Variants in TBL1XR1 observed in about 807,000 individuals in gnomAD.
TBL1XR1 encodes the protein TBL1X/Y related 1, also known as F-box-like/WD repeat-containing protein TBL1XR1.
In TBL1XR1, 5 loss-of-function variants were observed where a neutral mutation model predicts 66.9. The observed-to-expected ratio is 0.07, with a 90% CI of 0.04 to 0.16. The LOEUF (loss-of-function observed/expected upper bound fraction) is 0.16. TBL1XR1 is among the 10% of genes least tolerant of loss of function. TBL1XR1 has a pLI of 1.00. For missense variants in TBL1XR1, 238 were observed against 623.2 expected (o/e 0.38, Z 6.58); for synonymous variants, 210 against 206.0 (o/e 1.02, Z -0.17).
At chr3:177,101,194 T>A (rs1425626141) in intron 1 of TBL1XR1, among the ~76,000 whole-genome samples, 1 of 152,174 alleles carries the variant, frequency 6.6e-6, no homozygotes, top group East Asian at 1.9e-4. Flanking sequence ...ATTTGTTAAA[T>A]GATTAGATCA....
chr3:177,071,320 T>C (rs1719981554), intron 2 of TBL1XR1, among the ~76,000 whole-genome samples: 1 of 152,034 alleles, frequency 6.6e-6, no homozygotes, highest in African/African-American at 2.4e-5. Flanking sequence ...AAAACTCAAA[T>C]ATTATAGGAA....
chr3:177,082,698 A>C (rs1036317256), intron 2 of TBL1XR1, among the ~76,000 whole-genome samples: 1 of 140,926 alleles, frequency 7.1e-6, no homozygotes, highest in African/African-American at 2.6e-5. Context: ...TTAATCCAAC[A>C]ACTCCCTAAC....
intron 2 of TBL1XR1, among the ~76,000 whole-genome samples, chr3:177,095,821 T>C (rs1167321548): frequency 2.0e-5 from 3 of 152,130 alleles, no homozygotes; most frequent in Admixed American, 2.0e-4. Flanking sequence ...TGTGTCTAGG[T>C]AAAAGAAGAG....
At chr3:177,083,342 A>G (rs1316465705) in intron 2 of TBL1XR1, among the ~76,000 whole-genome samples, 1 of 152,210 alleles carries the variant, frequency 6.6e-6, no homozygotes, top group African/African-American at 2.4e-5. Context: ...AGTCTTTGCT[A>G]CATCATTTTG....
intron 2 of TBL1XR1, among the ~76,000 whole-genome samples, chr3:177,078,030 T>G (rs527249073): frequency 6.6e-6 from 1 of 152,350 alleles, no homozygotes; most frequent in East Asian, 1.9e-4. Flanking sequence ...CAGGTGGGAA[T>G]GCATGGAAAA....
At chr3:177,135,386 TGTA>T (rs1237339084) in intron 1 of TBL1XR1, among the ~76,000 whole-genome samples, 99 of 99,578 alleles carry the variant, frequency 9.9e-4, no homozygotes, top group Non-Finnish European at 1.2e-3. Flanking sequence ...TATATATGTA[TGTA>T]TTTTTTTTTT....
chr3:177,078,929 A>G (rs1419165828), intron 2 of TBL1XR1, among the ~76,000 whole-genome samples: 1 of 152,030 alleles, frequency 6.6e-6, no homozygotes, highest in Non-Finnish European at 1.5e-5. Context: ...AGCCTGGGCA[A>G]CGGAGTGAGA....
chr3:177,086,466 G>A (rs2108625982), intron 2 of TBL1XR1, among the ~76,000 whole-genome samples: 1 of 151,942 alleles, frequency 6.6e-6, no homozygotes, highest in South Asian at 2.1e-4. Context: ...TCTCAATATG[G>A]GTAGTCTGTC....
intron 1 of TBL1XR1, among the ~76,000 whole-genome samples, chr3:177,193,562 G>A (rs890886825): frequency 6.6e-6 from 1 of 152,168 alleles, no homozygotes; most frequent in African/African-American, 2.4e-5. Flanking sequence ...GCCCGCCTTG[G>A]CCTTCCAAAG....
chr3:177,054,783 A>G (rs963085295), intron 3 of TBL1XR1, among the ~76,000 whole-genome samples: 1 of 152,208 alleles, frequency 6.6e-6, no homozygotes, highest in African/African-American at 2.4e-5. Flanking sequence ...ATGAACAGCT[A>G]GCAAATGATT....
At chr3:177,160,599 GTT>G in intron 1 of TBL1XR1, among the ~76,000 whole-genome samples, 1 of 152,130 alleles carries the variant, frequency 6.6e-6, no homozygotes, top group South Asian at 2.1e-4. Context: ...CTTGCACTGG[GTT>G]TGATGGGATA....
intron 2 of TBL1XR1, among the ~76,000 whole-genome samples, chr3:177,087,319 C>A (rs1722266919): frequency 6.6e-6 from 1 of 151,822 alleles, no homozygotes; most frequent in Non-Finnish European, 1.5e-5. Context: ...TAATCATAAG[C>A]CCTTAGGCTC....
chr3:177,177,666 C>T (rs1026292545), intron 1 of TBL1XR1, among the ~76,000 whole-genome samples: 1 of 152,118 alleles, frequency 6.6e-6, no homozygotes, highest in African/African-American at 2.4e-5. Flanking sequence ...TAAATGCTAA[C>T]CTTTTAATAA....
At chr3:177,183,210 C>G (rs1275367082) in intron 1 of TBL1XR1, among the ~76,000 whole-genome samples, 2 of 152,160 alleles carry the variant, frequency 1.3e-5, no homozygotes, top group Non-Finnish European at 2.9e-5. Context: ...CAATTCTATA[C>G]TCCTTTGAAC....
In TBL1XR1 at chr3:177,024,713, G is replaced by GAAAAAAAAAAAAA. The variant is rs148659524; in HGVS notation, c.*772_*784dup. ...AGCCACATCACCAAAAAACAAAAAA[G>GAAAAAAAAAAAAA]AAAAAAAAAAAAAAAAAGCAAAACA... On this transcript the variant is annotated 3_prime_UTR_variant, in exon 16 of 16. Transcript: ENST00000457928. 4.7e-5 allele frequency: 4 copies of GAAAAAAAAAAAAA among 85,366 alleles called. No individual in the cohort carries two copies. The highest frequency in any genetic ancestry group is 2.8e-4 in the East Asian group (1 of 3,586). The allele number at this position is 85,366 out of a possible 1,614,324, so 5.3% of individuals were successfully genotyped here.
At chr3:177,041,091 G>GT (rs1715517351) in intron 10 of TBL1XR1, 1 of 152,216 alleles carries the variant, frequency 6.6e-6, no homozygotes, top group South Asian at 2.1e-4. Flanking sequence ...GTCAGGCTGA[G>GT]TAAGTTGCAG....
chr3:177,198,442 T>C (rs1370740765), upstream of TBL1XR1, among the ~76,000 whole-genome samples: 2 of 152,226 alleles, frequency 1.3e-5, no homozygotes, highest in Non-Finnish European at 2.9e-5. Context: ...TTTATCCACT[T>C]TGTGTACTTT....
At chr3:177,043,980 T>C (rs1473079390) in intron 10 of TBL1XR1, among the ~76,000 whole-genome samples, 2 of 152,160 alleles carry the variant, frequency 1.3e-5, no homozygotes, top group Non-Finnish European at 2.9e-5. Flanking sequence ...TACCTAAGAT[T>C]CTAACTATGT....
intron 12 of TBL1XR1, among the ~76,000 whole-genome samples, chr3:177,035,646 T>G (rs1714675175): frequency 6.6e-6 from 1 of 152,124 alleles, no homozygotes; most frequent in African/African-American, 2.4e-5. Context: ...ACTCCTGACC[T>G]CAAGTGAACT....
Sources: allele counts gnomAD v4.1 joint callset (sites outside exome capture counted in the v4.1 genomes callset), GRCh38; gene constraint gnomAD v4.1.1; transcripts MANE v1.5; gene names NCBI Gene and HGNC (gene_info 2026-07-23, HGNC 2026-07-21).